CCDC60: variants seen among roughly 807,000 people sequenced by gnomAD.
The protein encoded by CCDC60 is coiled-coil domain containing 60.
CCDC60 carries 54 observed loss-of-function variants against 63.5 expected under a neutral mutation model. The ratio of observed to expected loss-of-function variants is 0.85; its 90% CI spans 0.68 to 1.07. The LOEUF (loss-of-function observed/expected upper bound fraction) is 1.07. Among genes scored for constraint, CCDC60 ranks in the 50% least tolerant of loss-of-function variants. CCDC60 has a pLI of 0.00. For synonymous variants in CCDC60, 206 were observed against 238.8 expected (o/e 0.86, Z 1.27); for missense variants, 651 against 684.3 (o/e 0.95, Z 0.54).
intron 3 of CCDC60, among the ~76,000 whole-genome samples, chr12:119,477,067 G>T (rs1951190629): frequency 1.3e-5 from 2 of 152,210 alleles, no homozygotes; most frequent in Non-Finnish European, 2.9e-5. Context: ...TTCCAAGACA[G>T]CTCACTCACA....
intron 2 of CCDC60, among the ~76,000 whole-genome samples, chr12:119,444,446 T>A (rs1377835352): frequency 6.6e-6 from 1 of 152,210 alleles, no homozygotes; most frequent in Admixed American, 6.5e-5. Context: ...TTTTGTAACA[T>A]GAACTGAGCT....
chr12:119,397,997 GT>G (rs2136215315), intron 1 of CCDC60, among the ~76,000 whole-genome samples: 1 of 36,606 alleles, frequency 2.7e-5, no homozygotes, highest in East Asian at 1.2e-3. Flanking sequence ...AAGGGGCGGT[GT>G]GGGGGGATGG....
chr12:119,368,006 G>T (rs1263649317), intron 1 of CCDC60, among the ~76,000 whole-genome samples: 3 of 151,270 alleles, frequency 2.0e-5, no homozygotes, highest in Admixed American at 6.6e-5. Context: ...ACTTTAAATG[G>T]GTGAATTGTA....
intron 1 of CCDC60, among the ~76,000 whole-genome samples, chr12:119,396,158 G>A (rs1336088020): frequency 1.3e-5 from 2 of 151,938 alleles, no homozygotes; most frequent in African/African-American, 2.4e-5. Flanking sequence ...GGCTGGTGTC[G>A]AACTCCTGAC....
chr12:119,488,941 TC>T, intron 5 of CCDC60, 75 bp downstream of exon 5: 1 of 1,211,486 alleles, frequency 8.3e-7, no homozygotes, highest in Non-Finnish European at 1.2e-6. Context: ...TGTATGTTCT[TC>T]CACTCCCTTT....
intron 10 of CCDC60, among the ~76,000 whole-genome samples, chr12:119,523,398 C>A (rs899160394): frequency 2.0e-5 from 3 of 152,250 alleles, no homozygotes; most frequent in African/African-American, 7.2e-5. Context: ...AATCTCCCAG[C>A]TCCAAATTCC....
At chr12:119,366,084 G>A (rs1333664586) in intron 1 of CCDC60, among the ~76,000 whole-genome samples, 3 of 152,078 alleles carry the variant, frequency 2.0e-5, no homozygotes, top group Non-Finnish European at 4.4e-5. Context: ...TACACACACT[G>A]TGCTAAGATG....
chr12:119,397,279 G>A (rs1476892196), intron 1 of CCDC60, among the ~76,000 whole-genome samples: 2 of 152,202 alleles, frequency 1.3e-5, no homozygotes, highest in Admixed American at 6.5e-5. Context: ...TGAGCCGGTT[G>A]CCTCTACTGG....
At chr12:119,534,811 G>A (rs1394867975) in intron 13 of CCDC60, among the ~76,000 whole-genome samples, 3 of 152,108 alleles carry the variant, frequency 2.0e-5, no homozygotes, top group African/African-American at 4.8e-5. Flanking sequence ...TGCTGGACTC[G>A]GTTTGCCAGT....
intron 9 of CCDC60, among the ~76,000 whole-genome samples, chr12:119,520,643 G>A (rs1012061399): frequency 6.0e-5 from 9 of 150,306 alleles, no homozygotes; most frequent in African/African-American, 2.2e-4. Flanking sequence ...TTGGGTTCAA[G>A]TGATTCTCCT....
intron 1 of CCDC60, among the ~76,000 whole-genome samples, chr12:119,416,791 C>G (rs368651161): frequency 6.6e-6 from 1 of 152,064 alleles, no homozygotes. Context: ...CCCCACAAAT[C>G]AAGGGTTGGG....
chr12:119,437,866 G>C lies in CCDC60; in HGVS notation c.170+9104G>C, dbSNP rs1327296923. ...GGTTAAGGCTTCTGAAATGTATCTT[G>C]TGAATCATTCAAAGAAGACCTTAGT... On this transcript the variant is annotated intron_variant, in intron 2 of 13. Transcript: ENST00000327554. 2.6e-5 allele frequency among the ~76,000 whole-genome samples: 4 copies of C among 152,172 alleles called. No homozygotes were observed. In the East Asian group the frequency reaches 7.7e-4, roughly 29 times the overall value.
At chr12:119,529,204 CA>C (rs1952771153) in intron 12 of CCDC60, among the ~76,000 whole-genome samples, 1 of 151,924 alleles carries the variant, frequency 6.6e-6, no homozygotes. Context: ...TAAGTAACAA[CA>C]AAAAAAGCAA....
chr12:119,352,837 G>A, intron 1 of CCDC60, among the ~76,000 whole-genome samples: 1 of 152,142 alleles, frequency 6.6e-6, no homozygotes, highest in Non-Finnish European at 1.5e-5. Context: ...CTACTTGGGA[G>A]GCTGAAGCAG....
intron 1 of CCDC60, among the ~76,000 whole-genome samples, chr12:119,359,536 CTT>C (rs57310847): frequency 0.021 from 2,942 of 137,368 alleles, 83 homozygotes; most frequent in African/African-American, 0.073. Context: ...TATCACAGGT[CTT>C]TTTTTTTTTT....
Position 119,406,686 on chromosome 12 carries a change from C to CAAA in CCDC60, c.91-21986_91-21984dup, listed in dbSNP as rs566917825. On this transcript the variant is annotated intron_variant, in intron 1 of 13. Transcript: ENST00000327554. ...TAATAAAAAGGTAAGCTGAATATAG[C>CAAA]AAAAAAAAAAAAAGGTTTTAAATTG... Among the ~76,000 whole-genome samples, 61 of 134,830 alleles carry CAAA rather than the reference C, an allele frequency of 4.5e-4. 1 individual carries two copies. In the South Asian group the frequency reaches 5.8e-3, roughly 13 times the overall value. The allele number at this position is 134,830 out of a possible 152,430, so 88.5% of individuals were successfully genotyped here.
intron 1 of CCDC60, among the ~76,000 whole-genome samples, chr12:119,415,037 A>C (rs1956674997): frequency 6.6e-6 from 1 of 152,266 alleles, no homozygotes; most frequent in African/African-American, 2.4e-5. Flanking sequence ...CAAAATGCTT[A>C]GCACAGTGCT....
At chr12:119,338,964 A>T (rs1955503440) in intron 1 of CCDC60, among the ~76,000 whole-genome samples, 1 of 152,198 alleles carries the variant, frequency 6.6e-6, no homozygotes, top group Non-Finnish European at 1.5e-5. Context: ...CGAATGTTCC[A>T]CTGGCAACTG....
chr12:119,465,139 G>A (rs572578003), intron 2 of CCDC60, among the ~76,000 whole-genome samples: 6 of 151,816 alleles, frequency 4.0e-5, no homozygotes, highest in Non-Finnish European at 5.9e-5. Context: ...GTGAAACCCC[G>A]TCTCTACTAA....
Sources: allele counts gnomAD v4.1 joint callset (sites outside exome capture counted in the v4.1 genomes callset), GRCh38; gene constraint gnomAD v4.1.1; transcripts MANE v1.5; gene names NCBI Gene and HGNC (gene_info 2026-07-23, HGNC 2026-07-21).